The following TENM4 variants were observed in gnomAD, a reference collection of about 807,000 sequenced individuals.
TENM4 encodes teneurin transmembrane protein 4.
TENM4 carries 82 observed loss-of-function variants against 243.3 expected under a neutral mutation model. The observed-to-expected ratio is 0.34, with a 90% confidence interval of 0.28 to 0.40. TENM4 has a LOEUF of 0.40. TENM4 is among the 10% of genes least tolerant of loss of function. The probability of loss-of-function intolerance (pLI) is 1.00; values close to 1 mark genes in which losing one functional copy is unlikely to be tolerated. For synonymous variants in TENM4, 1,412 were observed against 1,456.3 expected (o/e 0.97, Z 0.69); for missense variants, 3,138 against 3,673.3 (o/e 0.85, Z 3.77).
At chr11:79,303,404 T>C (rs1368721295) in intron 1 of TENM4, among the ~76,000 whole-genome samples, 1 of 152,234 alleles carries the variant, frequency 6.6e-6, no homozygotes, top group Non-Finnish European at 1.5e-5. Context: ...GTTGCTGCAG[T>C]GCTTATGTGT....
chr11:79,263,762 C>A (rs1023151290), intron 2 of TENM4, among the ~76,000 whole-genome samples: 3 of 152,112 alleles, frequency 2.0e-5, no homozygotes, highest in African/African-American at 7.2e-5. Flanking sequence ...AGGACCAGCA[C>A]CACTGTTAAT....
intron 6 of TENM4, among the ~76,000 whole-genome samples, chr11:78,913,812 A>C (rs1856252603): frequency 6.6e-6 from 1 of 152,176 alleles, no homozygotes; most frequent in Non-Finnish European, 1.5e-5. Flanking sequence ...GGGTCAACTC[A>C]GTACAGTAGA....
chr11:78,884,284 G>T, intron 9 of TENM4, among the ~76,000 whole-genome samples: 1 of 152,326 alleles, frequency 6.6e-6, no homozygotes, highest in African/African-American at 2.4e-5. Flanking sequence ...CAACCATCAT[G>T]CGGCTCCTGG....
chr11:78,704,419 T>TGA (rs1469000765), intron 27 of TENM4, among the ~76,000 whole-genome samples: 1 of 152,060 alleles, frequency 6.6e-6, no homozygotes, highest in African/African-American at 2.4e-5. Flanking sequence ...TTTTTAATAA[T>TGA]GACAAAGACC....
chr11:79,157,751 C>T (rs1162917365), intron 3 of TENM4, among the ~76,000 whole-genome samples: 1 of 152,232 alleles, frequency 6.6e-6, no homozygotes, highest in African/African-American at 2.4e-5. Context: ...TCCATACCTC[C>T]TTGCTTTCTA....
chr11:79,299,195 C>G (rs150659327), intron 1 of TENM4, among the ~76,000 whole-genome samples: 1 of 152,192 alleles, frequency 6.6e-6, no homozygotes, highest in Admixed American at 6.5e-5. Context: ...CCCTGCTACA[C>G]TTTGGGGAGC....
At chr11:78,895,337 C>CA (rs35367511) in intron 7 of TENM4, among the ~76,000 whole-genome samples, 120 of 136,692 alleles carry the variant, frequency 8.8e-4, no homozygotes, top group Middle Eastern at 3.8e-3. Context: ...ACTCCGTCTC[C>CA]AAAAAAAAAA....
chr11:78,924,407 G>A (rs1488184640), intron 6 of TENM4: 1 of 152,228 alleles, frequency 6.6e-6, no homozygotes, highest in Non-Finnish European at 1.5e-5. Context: ...AGTACTTGGT[G>A]TTAAGTTTTC....
At chr11:79,047,892 A>G (rs1202032007) in intron 6 of TENM4, among the ~76,000 whole-genome samples, 1 of 151,942 alleles carries the variant, frequency 6.6e-6, no homozygotes, top group Non-Finnish European at 1.5e-5. Context: ...TCTGACCTGT[A>G]ATAAGTACTA....
intron 1 of TENM4, among the ~76,000 whole-genome samples, chr11:79,425,299 T>C (rs1301231306): frequency 2.0e-5 from 3 of 152,178 alleles, no homozygotes; most frequent in Non-Finnish European, 1.5e-5. Context: ...AGCTTCTTAA[T>C]AGACTTGACA....
chr11:78,854,455 G>T, intron 11 of TENM4, 141 bp from the exon 12 acceptor site: 1 of 668,812 alleles, frequency 1.5e-6, no homozygotes, highest in Non-Finnish European at 2.2e-6. Context: ...GTGCAGGAAG[G>T]TTGATCAATC....
At chr11:78,924,143 C>T (rs1269320012) in intron 6 of TENM4, among the ~76,000 whole-genome samples, 3 of 152,224 alleles carry the variant, frequency 2.0e-5, no homozygotes, top group South Asian at 2.1e-4. Flanking sequence ...GCGTGAGCCA[C>T]CATACCCAGC....
At chr11:79,387,002 T>C (rs184563576) in intron 1 of TENM4, among the ~76,000 whole-genome samples, 1 of 152,256 alleles carries the variant, frequency 6.6e-6, no homozygotes, top group African/African-American at 2.4e-5. Context: ...AGTAACCGAA[T>C]GTCCAGCAAG....
chr11:78,862,560 C>A (rs1031254190), intron 10 of TENM4, among the ~76,000 whole-genome samples: 7 of 152,140 alleles, frequency 4.6e-5, no homozygotes, highest in Admixed American at 2.6e-4. Flanking sequence ...GTCCAAGAAT[C>A]TTTCCATTAC....
At chr11:78,892,880 C>T (rs1855701055) in intron 7 of TENM4, among the ~76,000 whole-genome samples, 1 of 152,202 alleles carries the variant, frequency 6.6e-6, no homozygotes, top group Non-Finnish European at 1.5e-5. Flanking sequence ...AGAACTCAGG[C>T]TCTCTCCACT....
chr11:79,121,959 A>G (rs1861753917), intron 4 of TENM4, among the ~76,000 whole-genome samples: 1 of 152,222 alleles, frequency 6.6e-6, no homozygotes, highest in African/African-American at 2.4e-5. Flanking sequence ...TGAGAATATA[A>G]GAATAGATTG....
intron 2 of TENM4, among the ~76,000 whole-genome samples, chr11:79,218,136 A>T (rs1864088060): frequency 6.6e-6 from 1 of 152,214 alleles, no homozygotes; most frequent in Non-Finnish European, 1.5e-5. Context: ...TAATTAGGAT[A>T]TGACTATCAT....
In TENM4 at chr11:78,902,447, G is replaced by A. The variant is rs569530149; in HGVS notation, c.749+821C>T. On this transcript the variant is annotated intron_variant, in intron 7 of 33. Transcript: ENST00000278550. ...AAGCTGGAAGAAGGAACAGGGCAGA[G>A]GGATCCCGGCCAGCAGAGACGAAGA... Among the ~76,000 whole-genome samples the A allele has an allele frequency of 5.3e-4, 80 of 152,320 alleles. 1 individual carries two copies. The highest frequency in any genetic ancestry group is 1.9e-3 in the African/African-American group (77 of 41,554).
intron 12 of TENM4, among the ~76,000 whole-genome samples, chr11:78,834,741 C>T (rs919823574): frequency 5.9e-5 from 9 of 152,150 alleles, no homozygotes; most frequent in Non-Finnish European, 1.2e-4. Flanking sequence ...GATATCTCTA[C>T]GGAACAAGCC....
Sources: allele counts gnomAD v4.1 joint callset (sites outside exome capture counted in the v4.1 genomes callset), GRCh38; gene constraint gnomAD v4.1.1; transcripts MANE v1.5; gene names NCBI Gene and HGNC (gene_info 2026-07-23, HGNC 2026-07-21).